The following CHL1 variants were observed in gnomAD, a reference collection of about 807,000 sequenced individuals.
The protein encoded by CHL1 is cell adhesion molecule L1 like.
A neutral mutation model predicts 141.9 loss-of-function variants in CHL1; 96 were observed. The ratio of observed to expected loss-of-function variants is 0.68; its 90% confidence interval spans 0.57 to 0.80. The LOEUF is 0.80. Ranked by LOEUF, CHL1 falls within the 30% of genes least tolerant of loss-of-function variation. The pLI, the probability that CHL1 is intolerant of heterozygous loss-of-function variation, is 0.00. For missense variants in CHL1, 1,820 were observed against 1,457.2 expected (o/e 1.25, Z -4.05); for synonymous variants, 613 against 502.2 (o/e 1.22, Z -2.95).
intron 3 of CHL1, among the ~76,000 whole-genome samples, chr3:322,815 G>A (rs974396236): frequency 1.3e-5 from 2 of 150,832 alleles, no homozygotes; most frequent in Non-Finnish European, 1.5e-5. Flanking sequence ...CTACATTCCA[G>A]CCTGGCACTG....
intron 4 of CHL1, among the ~76,000 whole-genome samples, chr3:327,184 G>A (rs961963586): frequency 2.0e-5 from 3 of 151,882 alleles, no homozygotes; most frequent in African/African-American, 4.8e-5. Context: ...GAGAATACAT[G>A]TCCATTGAAG....
intron 2 of CHL1, among the ~76,000 whole-genome samples, chr3:254,041 G>T (rs748161112): frequency 2.0e-5 from 3 of 152,178 alleles, no homozygotes; most frequent in Non-Finnish European, 2.9e-5. Flanking sequence ...GTGGCCTCCT[G>T]GTTCTCTGCT....
intron 2 of CHL1, among the ~76,000 whole-genome samples, chr3:250,255 A>T (rs533421755): frequency 6.6e-6 from 1 of 152,106 alleles, no homozygotes; most frequent in African/African-American, 2.4e-5. Context: ...CACAAATTTT[A>T]TTTGATATTA....
chr3:270,396 C>A (rs985394648), intron 2 of CHL1, among the ~76,000 whole-genome samples: 1 of 152,142 alleles, frequency 6.6e-6, no homozygotes, highest in Admixed American at 6.5e-5. Flanking sequence ...TTATTTCTAA[C>A]CAATCATAGG....
chr3:225,853 C>CA (rs1701283275), intron 1 of CHL1, among the ~76,000 whole-genome samples: 1 of 151,674 alleles, frequency 6.6e-6, no homozygotes, highest in African/African-American at 2.4e-5. Flanking sequence ...ACTAAAAATT[C>CA]AAAAAATTAG....
rs764779843 is a variant in CHL1, at chr3:202,176, C to T, written c.-175+5113C>T. 5.1e-4 allele frequency among the ~76,000 whole-genome samples: 77 copies of T among 152,180 alleles called. 2 individuals carry two copies. Among genetic ancestry groups the T allele is most frequent in the Non-Finnish European group, 1.5e-4 (10 of 68,026 alleles). ...CGGGGAAATAGCCATACTTAGCTCA[C>T]ATGTCACATGTGTTCTTGTGGACAT... On this transcript the variant is annotated intron_variant, in intron 1 of 27. Coordinates refer to ENST00000256509, the MANE Select transcript of CHL1 (RefSeq NM_006614.4).
rs7649456 is a variant in CHL1 at position 301,427 on chromosome 3, C to T, written c.-94-18256C>T. On this transcript the variant is annotated intron_variant, in intron 2 of 27. Transcript: ENST00000256509. ...AAGAGAATTCATTGCCAACCTCCTACTGGCTGTTCTGACCCAATAAACAAG... is the reference window on the plus strand; with the variant it reads ...AAGAGAATTCATTGCCAACCTCCTATTGGCTGTTCTGACCCAATAAACAAG... Among the ~76,000 whole-genome samples, 544 of 152,312 alleles carry T rather than the reference C, an allele frequency of 3.6e-3. 8 individuals are homozygous for T. The highest frequency in any genetic ancestry group is 0.013 in the African/African-American group (520 of 41,562).
chr3:317,218 G>C (rs1031061949), intron 2 of CHL1, among the ~76,000 whole-genome samples: 1 of 151,940 alleles, frequency 6.6e-6, no homozygotes, highest in Non-Finnish European at 1.5e-5. Context: ...TTATGGGAGA[G>C]AATTTCTTGG....
intron 13 of CHL1, among the ~76,000 whole-genome samples, chr3:362,509 T>A (rs144113830): frequency 3.3e-5 from 5 of 152,168 alleles, no homozygotes; most frequent in Non-Finnish European, 1.5e-5. Context: ...TTACCTTGCT[T>A]ACTGAGATGT....
At chr3:320,857 A>G (rs981642195) in intron 3 of CHL1, among the ~76,000 whole-genome samples, 11 of 152,096 alleles carry the variant, frequency 7.2e-5, no homozygotes, top group Non-Finnish European at 7.4e-5. Flanking sequence ...CGTATCATTC[A>G]GGAATAATCT....
intron 1 of CHL1, among the ~76,000 whole-genome samples, chr3:210,609 C>G (rs1257919455): frequency 6.6e-6 from 1 of 152,218 alleles, no homozygotes; most frequent in African/African-American, 2.4e-5. Context: ...AAGGCTAGTC[C>G]TCAGACCGTT....
intron 27 of CHL1, among the ~76,000 whole-genome samples, chr3:404,832 C>T (rs547902230): frequency 1.3e-5 from 2 of 151,876 alleles, no homozygotes; most frequent in East Asian, 3.9e-4. Context: ...ATTAGGGCTA[C>T]TATAACAAAA....
chr3:298,255 A>G (rs1698388111), intron 2 of CHL1, among the ~76,000 whole-genome samples: 1 of 152,196 alleles, frequency 6.6e-6, no homozygotes, highest in Non-Finnish European at 1.5e-5. Flanking sequence ...AATTGCTAAA[A>G]AGAGACCCCA....
intron 1 of CHL1, among the ~76,000 whole-genome samples, chr3:200,563 C>T (rs28393733): frequency 1.3e-5 from 2 of 152,154 alleles, no homozygotes; most frequent in East Asian, 3.8e-4. Flanking sequence ...TTATTATGGT[C>T]ATTTACATAC....
chr3:210,775 C>A (rs1352021432), intron 1 of CHL1, among the ~76,000 whole-genome samples: 1 of 152,156 alleles, frequency 6.6e-6, no homozygotes, highest in Non-Finnish European at 1.5e-5. Flanking sequence ...AAATATGGAG[C>A]CCTCTGTTCC....
At chr3:392,798 T>C (rs1236637763) in intron 23 of CHL1, among the ~76,000 whole-genome samples, 1 of 152,234 alleles carries the variant, frequency 6.6e-6, no homozygotes, top group Non-Finnish European at 1.5e-5. Context: ...TATGTTTAAA[T>C]ACATACAGGC....
At chr3:329,876 A>T (rs2125086465) in intron 5 of CHL1, among the ~76,000 whole-genome samples, 1 of 152,242 alleles carries the variant, frequency 6.6e-6, no homozygotes, top group East Asian at 1.9e-4. Flanking sequence ...AGACATATAT[A>T]ATGTTAAAAT....
At chr3:320,516 T>C (rs1252793658) in intron 3 of CHL1, among the ~76,000 whole-genome samples, 1 of 151,866 alleles carries the variant, frequency 6.6e-6, no homozygotes, top group African/African-American at 2.4e-5. Flanking sequence ...TGGTAATTAA[T>C]AGTTAAAAAA....
chr3:259,018 C>T (rs555826075), intron 2 of CHL1, among the ~76,000 whole-genome samples: 2 of 150,796 alleles, frequency 1.3e-5, no homozygotes, highest in African/African-American at 2.4e-5. Flanking sequence ...ATTGCAGCCT[C>T]GACTTCCTGG....
Sources: allele counts gnomAD v4.1 joint callset (sites outside exome capture counted in the v4.1 genomes callset), GRCh38; gene constraint gnomAD v4.1.1; transcripts MANE v1.5; gene names NCBI Gene and HGNC (gene_info 2026-07-23, HGNC 2026-07-21).